The following LDLRAD3 variants were observed in gnomAD, a reference collection of about 807,000 sequenced individuals.
LDLRAD3 encodes low density lipoprotein receptor class A domain containing 3.
A neutral mutation model predicts 29.4 loss-of-function variants in LDLRAD3; 20 were observed. That is an observed-to-expected ratio of 0.68 (90% CI 0.48 to 0.99). LDLRAD3 has a LOEUF of 0.99. Ranked by LOEUF, LDLRAD3 falls within the 50% of genes least tolerant of loss-of-function variation. The probability of loss-of-function intolerance (pLI) is 0.00; values close to 1 mark genes in which losing one functional copy is unlikely to be tolerated. For missense variants in LDLRAD3, 420 were observed against 454.3 expected, an observed-to-expected ratio of 0.92 and a Z score of 0.69; for synonymous variants, 157 against 192.7, an observed-to-expected ratio of 0.81 and a Z score of 1.53.
At chr11:35,993,385 C>T (rs1851713495) in intron 1 of LDLRAD3, among the ~76,000 whole-genome samples, 1 of 152,168 alleles carries the variant, frequency 6.6e-6, no homozygotes, top group Non-Finnish European at 1.5e-5. Context: ...ATTGCCCTGG[C>T]TGAGCGAGGA....
At chr11:35,977,760 G>A (rs529756929) in intron 1 of LDLRAD3, among the ~76,000 whole-genome samples, 13 of 152,228 alleles carry the variant, frequency 8.5e-5, no homozygotes, top group South Asian at 2.1e-4. Context: ...TGGTGAGGGC[G>A]CTCTGCTTCA....
At chr11:35,971,699 A>G (rs10430959) in intron 1 of LDLRAD3, among the ~76,000 whole-genome samples, 55,910 of 152,002 alleles carry the variant, frequency 0.37, 10,571 homozygotes, top group East Asian at 0.6. Flanking sequence ...CCAGGGTACG[A>G]ATATAGAACC....
intron 4 of LDLRAD3, among the ~76,000 whole-genome samples, chr11:36,159,625 A>AAT (rs756902228): frequency 0.08 from 10,644 of 132,822 alleles, 763 homozygotes; most frequent in East Asian, 0.28. Flanking sequence ...AAAAAAAAAA[A>AAT]AGCCAGATGT....
In LDLRAD3 at chr11:36,116,433, C is replaced by T. The variant is rs929886157; in HGVS notation, c.454+17972C>T. Among the ~76,000 whole-genome samples the T allele has an allele frequency of 1.7e-4, 26 of 151,924 alleles. 1 individual carries two copies. Among genetic ancestry groups the T allele is most frequent in the Non-Finnish European group, 2.8e-4 (19 of 68,010 alleles). ...TGAAACCGACCCTCTTCCAGGAAGG[C>T]GGGGATGGGGGGATGCTCATAAGGC... is the stretch of plus-strand genomic sequence containing the variant. On this transcript the variant is annotated intron_variant, in intron 4 of 5. Transcript: ENST00000315571.
chr11:36,024,565 T>C (rs1381208213), intron 1 of LDLRAD3, among the ~76,000 whole-genome samples: 1 of 152,206 alleles, frequency 6.6e-6, no homozygotes, highest in South Asian at 2.1e-4. Flanking sequence ...ATGCTCTTTT[T>C]AACAGACTGT....
chr11:36,051,816 G>A (rs73450470), intron 2 of LDLRAD3, among the ~76,000 whole-genome samples: 7,457 of 152,202 alleles, frequency 0.049, 475 homozygotes, highest in African/African-American at 0.15. Context: ...GTCGTCTCTC[G>A]AATAACCACA....
intron 4 of LDLRAD3, among the ~76,000 whole-genome samples, chr11:36,170,369 C>CAT (rs1251241846): frequency 1.3e-5 from 2 of 150,398 alleles, no homozygotes; most frequent in Admixed American, 6.7e-5. Context: ...TACACACACA[C>CAT]ATATATATCT....
chr11:36,076,275 A>G (rs1012464870), intron 2 of LDLRAD3, among the ~76,000 whole-genome samples: 3 of 150,710 alleles, frequency 2.0e-5, no homozygotes, highest in Non-Finnish European at 4.4e-5. Context: ...CTGTCTGTCT[A>G]ATTTTTAAAG....
At chr11:36,221,780 T>C (rs1187867558) in intron 4 of LDLRAD3, among the ~76,000 whole-genome samples, 1 of 152,182 alleles carries the variant, frequency 6.6e-6, no homozygotes, top group African/African-American at 2.4e-5. Context: ...TAAATCTCCC[T>C]CTCCACAAGC....
Position 36,100,120 on chromosome 11 carries a change from A to G in LDLRAD3, c.454+1659A>G, listed in dbSNP as rs771121371. ...GCCCCGTTCTAGATCAGCTAAATCA[A>G]CTGGCGGGAGTGGGCCCAGCCATCG... On this transcript the variant is annotated intron_variant, in intron 4 of 5. Coordinates refer to ENST00000315571, the MANE Select transcript of LDLRAD3 (RefSeq NM_174902.4). Among the ~76,000 whole-genome samples the G allele has an allele frequency of 2.0e-5, 3 of 152,084 alleles. No homozygotes were observed. In the East Asian group the frequency reaches 5.8e-4, roughly 29 times the overall value.
intron 4 of LDLRAD3, among the ~76,000 whole-genome samples, chr11:36,127,487 T>A (rs77727556): frequency 0.022 from 3,393 of 152,292 alleles, 121 homozygotes; most frequent in African/African-American, 0.078. Context: ...TTTAGGAAGA[T>A]GTGATTAATA....
intron 1 of LDLRAD3, among the ~76,000 whole-genome samples, chr11:36,025,643 C>A (rs1852155714): frequency 6.6e-6 from 1 of 151,940 alleles, no homozygotes; most frequent in Non-Finnish European, 1.5e-5. Context: ...CCCGCCTCGG[C>A]CTCCCAAAGT....
rs539351938 is a variant in LDLRAD3, at chr11:36,205,419, C to G, written c.455-21666C>G. Among the ~76,000 whole-genome samples, 3 of 152,222 alleles carry G rather than the reference C, an allele frequency of 2.0e-5. No homozygotes were observed. In the South Asian group the frequency reaches 6.2e-4, roughly 32 times the overall value. ...CAGCCCTGTCATTGTCTTGGTGTCC[C>G]TGATGAAGGGCTGTTGAAGGACTTT... On this transcript the variant is annotated intron_variant, in intron 4 of 5. Coordinates refer to ENST00000315571, the MANE Select transcript of LDLRAD3 (RefSeq NM_174902.4).
At chr11:36,143,500 A>G (rs1854117163) in intron 4 of LDLRAD3, among the ~76,000 whole-genome samples, 1 of 152,218 alleles carries the variant, frequency 6.6e-6, no homozygotes, top group South Asian at 2.1e-4. Context: ...GGGCAGGAGG[A>G]TCCTGTACCT....
At position 36,088,531 on chromosome 11, in the gene LDLRAD3, A is replaced by G. The variant is rs554952486; in HGVS notation, c.319+6753A>G. ...CTGAGTACCACTGAATCATTTAGCT[A>G]GTATGTCTGTGTTTTTGTGCACAGA... On this transcript the variant is annotated intron_variant, in intron 3 of 5. Transcript: ENST00000315571. Among the ~76,000 whole-genome samples the G allele has an allele frequency of 3.1e-4, 47 of 151,932 alleles. 1 individual carries two copies. In the South Asian group the frequency reaches 6.9e-3, roughly 22 times the overall value.
chr11:36,215,161 T>C (rs1286547855), intron 4 of LDLRAD3, among the ~76,000 whole-genome samples: 1 of 152,112 alleles, frequency 6.6e-6, no homozygotes, highest in Non-Finnish European at 1.5e-5. Context: ...AGCAGGTGCA[T>C]GCTGGGTGTG....
chr11:36,227,391 G>A lies in LDLRAD3; in HGVS notation c.761G>A (p.Gly254Asp). The A allele has an allele frequency of 6.2e-7, 1 of 1,605,452 alleles. No homozygotes were observed. The highest frequency in any genetic ancestry group is 8.5e-7 in the Non-Finnish European group (1 of 1,175,756). ...SQAEQNASEVGSPPSYSEALL... is the reference protein window; with the variant it reads ...SQAEQNASEVDSPPSYSEALL... ...GCGGAGCAGAATGCGTCGGAAGTAG[G>A]CTCCCCACCCTCCTACTCCGAGGCC... Residue 254 changes from glycine to aspartate, a missense_variant, in exon 5 of 6, where the codon GGC becomes GAC. Physicochemically the swap from Gly to Asp is moderately conservative, Grantham distance 94 (BLOSUM62 -1). Transcript: ENST00000315571.
chr11:35,979,347 G>T (rs1280747076), intron 1 of LDLRAD3, among the ~76,000 whole-genome samples: 3 of 152,158 alleles, frequency 2.0e-5, no homozygotes, highest in African/African-American at 7.2e-5. Context: ...TTCCATATTT[G>T]CTTGCTTGAT....
chr11:36,097,753 C>A (rs1033110060), intron 3 of LDLRAD3, among the ~76,000 whole-genome samples: 3 of 151,952 alleles, frequency 2.0e-5, no homozygotes, highest in Non-Finnish European at 4.4e-5. Flanking sequence ...ACCTGAATAC[C>A]CTGACTTGAT....
Sources: gnomAD v4.1 joint callset for allele counts (sites outside exome capture counted in the v4.1 genomes callset) on GRCh38, gnomAD v4.1.1 for gene constraint, MANE v1.5 for transcripts, NCBI Gene and HGNC (gene_info 2026-07-23, HGNC 2026-07-21) for gene names.